IARS2: variants seen among roughly 807,000 people sequenced by gnomAD.
IARS2 encodes isoleucyl-tRNA synthetase 2, mitochondrial.
A neutral mutation model predicts 126.3 loss-of-function variants in IARS2; 56 were observed. The observed-to-expected ratio is 0.44, with a 90% CI of 0.36 to 0.55. IARS2 has a LOEUF of 0.55. IARS2 is among the 20% of genes least tolerant of loss of function. IARS2 has a pLI of 0.00. For synonymous variants in IARS2, 407 were observed against 441.1 expected (o/e 0.92, Z 0.97); for missense variants, 1,127 against 1,245.9 (o/e 0.90, Z 1.44).
chr1:220,104,488 A>G (rs1016157256), intron 8 of IARS2, among the ~76,000 whole-genome samples: 3 of 151,922 alleles, frequency 2.0e-5, no homozygotes, highest in Non-Finnish European at 4.4e-5. Flanking sequence ...GGCTCAAGTG[A>G]TCTTCCTGCC....
In IARS2 at chr1:220,143,900, A is replaced by G. The variant is rs1657535682; in HGVS notation, c.2751+766A>G. 7.6e-6 allele frequency: 6 copies of G among 789,830 alleles called. No individual in the cohort carries two copies. In the Admixed American group the frequency reaches 8.2e-5, roughly 11 times the overall value. The allele number at this position is 789,830 out of a possible 1,614,324, so 48.9% of individuals were successfully genotyped here. A position where few individuals can be genotyped will look rare whatever the true frequency, so the allele number is the denominator to read the frequency against. ...CTAAATGCTTAAGAAGAGAATTGGC[A>G]ATGAATATAATTTTTTTTCCACGGG... is the stretch of plus-strand genomic sequence containing the variant. On this transcript the variant is annotated intron_variant, in intron 21 of 22. Transcript: ENST00000366922.
chr1:220,135,929 C>T (rs1657365741), intron 15 of IARS2, among the ~76,000 whole-genome samples: 1 of 151,378 alleles, frequency 6.6e-6, no homozygotes, highest in Admixed American at 6.6e-5. Flanking sequence ...TGACTAATCT[C>T]CACTCCCACC....
intron 22 of IARS2, among the ~76,000 whole-genome samples, chr1:220,146,429 A>G (rs1571867204): frequency 1.4e-5 from 2 of 146,318 alleles, no homozygotes; most frequent in African/African-American, 5.1e-5. Context: ...GGGGTGGGAG[A>G]ATGGCGTGAA....
In IARS2 at chr1:220,132,785, A is replaced by G. The variant is rs531983832; in HGVS notation, c.1838-1617A>G. 6.6e-5 allele frequency among the ~76,000 whole-genome samples: 10 copies of G among 151,496 alleles called. No individual in the cohort carries two copies. The East Asian group carries it at 1.9e-3, about 29-fold the overall frequency. ...GTGATCCACCCGCCTTTGCCTCCCA[A>G]AGTTCTGGGATTTTACAGGCGTGAG... is the stretch of plus-strand genomic sequence containing the variant. On this transcript the variant is annotated intron_variant, in intron 14 of 22. Coordinates refer to ENST00000366922, the MANE Select transcript of IARS2 (RefSeq NM_018060.4).
chr1:220,129,083 G>A (rs1347815163), intron 14 of IARS2, among the ~76,000 whole-genome samples: 7 of 151,932 alleles, frequency 4.6e-5, no homozygotes, highest in Admixed American at 3.9e-4. Flanking sequence ...GGGTTTCACC[G>A]TGTTGGCCAG....
chr1:220,119,460 G>T (rs1043248866), intron 12 of IARS2, among the ~76,000 whole-genome samples: 1 of 151,880 alleles, frequency 6.6e-6, no homozygotes, highest in Non-Finnish European at 1.5e-5. Context: ...AAGAAATGAA[G>T]GTAGAATTCT....
intron 22 of IARS2, among the ~76,000 whole-genome samples, chr1:220,146,893 AACTCCTG>A (rs1657606465): frequency 6.6e-6 from 1 of 151,978 alleles, no homozygotes; most frequent in Admixed American, 6.6e-5. Flanking sequence ...GCTGGTCTTG[AACTCCTG>A]ACCTCAGGTG....
chr1:220,109,891 C>T (rs1389283748), intron 10 of IARS2, among the ~76,000 whole-genome samples: 2 of 152,148 alleles, frequency 1.3e-5, no homozygotes, highest in African/African-American at 2.4e-5. Context: ...ATCTAAACTT[C>T]AAATGTAGAA....
rs1176713687 is a variant in IARS2 at position 220,094,309 on chromosome 1, G to A, written c.93G>A (p.Pro31=). ...LWGTPRLPCS[P]GWQGATKRLL... is the part of the protein sequence containing the mutation. ...GGACGCCCCGCCTTCCCTGCAGCCC[G>A]GGATGGCAAGGGGCGACGAAGAGGC... The change falls in exon 1 of 23, where the codon CCG becomes CCA. Residue 31 remains proline (P), a synonymous_variant. Transcript: ENST00000366922. The A allele has an allele frequency of 2.5e-6, 4 of 1,612,390 alleles. No homozygotes were observed. The highest frequency in any genetic ancestry group is 2.2e-5 in the South Asian group (2 of 90,970).
At chr1:220,107,859 G>A (rs1278559924) in intron 10 of IARS2, among the ~76,000 whole-genome samples, 1 of 152,046 alleles carries the variant, frequency 6.6e-6, no homozygotes, top group African/African-American at 2.4e-5. Context: ...TTATAACTGC[G>A]TTACTCCACT....
intron 20 of IARS2, 83 bp downstream of exon 20, chr1:220,142,031 G>T: frequency 7.5e-7 from 1 of 1,338,456 alleles, no homozygotes; most frequent in Non-Finnish European, 1.0e-6. Context: ...TTCATAAAAG[G>T]GGCACTTATC....
chr1:220,117,184 C>CTTTTTTTTTTTTTTTTTT (rs1192537887), intron 12 of IARS2, among the ~76,000 whole-genome samples: 2 of 48,460 alleles, frequency 4.1e-5, no homozygotes, highest in Admixed American at 3.0e-4. Flanking sequence ...GTCTCCTCTT[C>CTTTTTTTTTTTTTTTTTT]TTTTTTTTTT....
chr1:220,096,389 A>T (rs1656441355), intron 2 of IARS2, among the ~76,000 whole-genome samples, 163 bp downstream of exon 2: 1 of 152,238 alleles, frequency 6.6e-6, no homozygotes, highest in Non-Finnish European at 1.5e-5. Flanking sequence ...TGCATAAAAA[A>T]AATTGCTGCT....
chr1:220,100,795 A>G, intron 3 of IARS2, 146 bp downstream of exon 3: 2 of 493,710 alleles, frequency 4.1e-6, no homozygotes, highest in East Asian at 3.5e-5. Flanking sequence ...GTCACAGAAA[A>G]TTCAGATTTT....
chr1:220,094,549 C>T (rs919953847), intron 1 of IARS2, 66 bp downstream of exon 1: 2 of 1,375,480 alleles, frequency 1.5e-6, no homozygotes, highest in Non-Finnish European at 1.9e-6. Context: ...ACCGGGCGCT[C>T]GCAGGCGCCA....
chr1:220,103,408 G>A, intron 7 of IARS2, 39 bp from the exon 8 acceptor site: 2 of 1,162,018 alleles, frequency 1.7e-6, no homozygotes, highest in Admixed American at 3.8e-5. Flanking sequence ...GGCTTTTCTT[G>A]TTTCATTATT....
rs550133507 is a variant in IARS2, at chr1:220,097,490, A to G, written c.390+1264A>G. ...GCGATTCTCCTGCCTCAGCCTCCCA[A>G]GTAGATGGGACTACAGGCGCCTGCC... is the stretch of plus-strand genomic sequence containing the variant. On this transcript the variant is annotated intron_variant, in intron 2 of 22. Transcript: ENST00000366922. Among the ~76,000 whole-genome samples, 623 of 151,424 alleles carry G rather than the reference A, an allele frequency of 4.1e-3. 2 individuals are homozygous for G. Among genetic ancestry groups the G allele is most frequent in the Non-Finnish European group, 6.4e-3 (433 of 67,920 alleles).
At chr1:220,125,970 G>A (rs375112326) in intron 13 of IARS2, among the ~76,000 whole-genome samples, 1 of 149,934 alleles carries the variant, frequency 6.7e-6, no homozygotes, top group African/African-American at 2.5e-5. Flanking sequence ...AGCTGGGTGC[G>A]ATGGTGGGCG....
chr1:220,135,574 G>A (rs913391674), intron 15 of IARS2, among the ~76,000 whole-genome samples: 2 of 151,968 alleles, frequency 1.3e-5, no homozygotes, highest in African/African-American at 4.8e-5. Context: ...TGGTGAGGCT[G>A]GTCTCAAACT....
Sources: gnomAD v4.1 joint callset for allele counts (sites outside exome capture counted in the v4.1 genomes callset) on GRCh38, gnomAD v4.1.1 for gene constraint, MANE v1.5 for transcripts, NCBI Gene and HGNC (gene_info 2026-07-23, HGNC 2026-07-21) for gene names.